SNED1: variants seen among roughly 807,000 people sequenced by gnomAD.
SNED1 encodes sushi, nidogen and EGF like domains 1, also known as sushi, nidogen and EGF-like domain-containing protein 1.
In SNED1, 81 loss-of-function variants were observed where a neutral mutation model predicts 166.7. The observed-to-expected ratio is 0.49, with a 90% CI of 0.41 to 0.58. The LOEUF is 0.58. Among genes scored for constraint, SNED1 ranks in the 20% least tolerant of loss-of-function variants. The probability of loss-of-function intolerance (pLI) is 0.00; values close to 1 mark genes in which losing one functional copy is unlikely to be tolerated. For missense variants in SNED1, 1,604 were observed against 2,000.2 expected, an observed-to-expected ratio of 0.80 and a Z score of 3.78; for synonymous variants, 762 against 822.0, an observed-to-expected ratio of 0.93 and a Z score of 1.25.
At chr2:241,002,233 C>T (rs1013945261) in intron 1 of SNED1, among the ~76,000 whole-genome samples, 7 of 152,214 alleles carry the variant, frequency 4.6e-5, no homozygotes, top group African/African-American at 1.7e-4. Flanking sequence ...TCCAAGCCAT[C>T]TGGAAAATCC....
At chr2:241,065,256 G>T (rs746428638) in intron 20 of SNED1, 43 bp from the exon 21 acceptor site, 2 of 1,605,698 alleles carry the variant, frequency 1.2e-6, no homozygotes, top group Non-Finnish European at 1.7e-6. Context: ...CATAGCTAAC[G>T]GCTGACCAGT....
chr2:241,024,235 C>CTTTTTTTTTTTT lies in SNED1; in HGVS notation c.214-6031_214-6020dup, dbSNP rs10664618. Among the ~76,000 whole-genome samples, 3 of 46,942 alleles carry CTTTTTTTTTTTT rather than the reference C, an allele frequency of 6.4e-5. 1 individual carries two copies. Among genetic ancestry groups the CTTTTTTTTTTTT allele is most frequent in the Admixed American group, 6.9e-4 (2 of 2,894 alleles). The allele number at this position is 46,942 out of a possible 152,430, so 30.8% of individuals were successfully genotyped here. ...GTGTAGTTGTATTTCACTCTACTAC[C>CTTTTTTTTTTTT]TTTTTTTTTTTTTTTTTTTTTTTTT... On this transcript the variant is annotated intron_variant, in intron 1 of 31. Transcript: ENST00000310397.
chr2:241,023,876 T>TTTC (rs1337602982), intron 1 of SNED1, among the ~76,000 whole-genome samples: 1 of 129,140 alleles, frequency 7.7e-6, no homozygotes, highest in African/African-American at 3.2e-5. Context: ...TCTCTTTTTT[T>TTTC]CTTTTTTTTT....
intron 17 of SNED1, chr2:241,063,350 GTGGCCTGGAGGAAGGCA>G: frequency 1.8e-6 from 1 of 559,334 alleles, no homozygotes; most frequent in Middle Eastern, 2.9e-4. Flanking sequence ...CCATTGCGGA[GTGGCCTGGAGGAAGGCA>G]TGGCCTGGAG....
In SNED1 at chr2:241,087,703, G is replaced by C. The variant is rs923868725; in HGVS notation, c.4205+228G>C. 3 of 1,363,034 alleles carry C rather than the reference G, an allele frequency of 2.2e-6. No individual in the cohort carries two copies. In the African/African-American group the frequency reaches 4.4e-5, roughly 20 times the overall value. The allele number at this position is 1,363,034 out of a possible 1,614,324, so 84.4% of individuals were successfully genotyped here. On this transcript the variant is annotated intron_variant, in intron 30 of 31. Coordinates refer to ENST00000310397, the MANE Select transcript of SNED1 (RefSeq NM_001080437.3). ...CAGCCGGGCATGCTGGGTGCTGGGGGGGGTCACTCTGGTTATGCATATTCA... is the reference window on the plus strand; with the variant it reads ...CAGCCGGGCATGCTGGGTGCTGGGGCGGGTCACTCTGGTTATGCATATTCA...
At chr2:241,036,640 C>A in intron 4 of SNED1, 150 bp from the exon 5 acceptor site, 1 of 1,031,096 alleles carries the variant, frequency 9.7e-7, no homozygotes, top group Non-Finnish European at 1.4e-6. Context: ...TAAAGTGAAA[C>A]CTGAAACCTG....
At chr2:241,063,533 G>T in intron 17 of SNED1, 54 bp from the exon 18 acceptor site, 2 of 1,199,654 alleles carry the variant, frequency 1.7e-6, no homozygotes, top group Non-Finnish European at 2.4e-6. Flanking sequence ...CTGGGGGCAT[G>T]TGGGCGCCTC....
rs1361591383 is a variant in SNED1, at chr2:241,034,871, C to T, written c.805+141C>T. ...GGTGTCCAGCCCAGCCCACCTCAGGCGTGTGAAACTAAGGAAAGCCTGGCT... is the reference window on the plus strand; with the variant it reads ...GGTGTCCAGCCCAGCCCACCTCAGGTGTGTGAAACTAAGGAAAGCCTGGCT... On this transcript the variant is annotated intron_variant, in intron 4 of 31. Transcript: ENST00000310397. 6 of 936,720 alleles carry T rather than the reference C, an allele frequency of 6.4e-6. No homozygotes were observed. In the South Asian group the frequency reaches 1.1e-4, roughly 17 times the overall value. The allele number at this position is 936,720 out of a possible 1,614,324, so 58.0% of individuals were successfully genotyped here.
intron 24 of SNED1, among the ~76,000 whole-genome samples, chr2:241,070,765 G>T (rs2062670488): frequency 6.6e-6 from 1 of 152,216 alleles, no homozygotes; most frequent in South Asian, 2.1e-4. Flanking sequence ...CCCCACTTAG[G>T]TCTTCCAAGT....
At chr2:241,084,281 C>T (rs952512115) in intron 29 of SNED1, among the ~76,000 whole-genome samples, 5 of 151,934 alleles carry the variant, frequency 3.3e-5, no homozygotes, top group Non-Finnish European at 5.9e-5. Context: ...GGATTACAGG[C>T]GCCTGCCACC....
At chr2:241,055,254 A>T (rs919741670) in intron 16 of SNED1, among the ~76,000 whole-genome samples, 2 of 152,262 alleles carry the variant, frequency 1.3e-5, no homozygotes, top group African/African-American at 4.8e-5. Flanking sequence ...AGAGTTCCAG[A>T]TGAACAGCAG....
chr2:241,071,073 G>C (rs932643966), intron 24 of SNED1, among the ~76,000 whole-genome samples: 3 of 152,232 alleles, frequency 2.0e-5, no homozygotes, highest in African/African-American at 7.2e-5. Flanking sequence ...GTCAGAGTGA[G>C]AGGGAGAGGG....
Position 241,020,828 on chromosome 2 carries a change from T to G in SNED1, c.214-9456T>G, listed in dbSNP as rs1361233184. Among the ~76,000 whole-genome samples the G allele has an allele frequency of 2.0e-5, 3 of 152,152 alleles. No individual in the cohort carries two copies. In the East Asian group the frequency reaches 5.8e-4, roughly 29 times the overall value. Reference sequence around the variant, plus strand: ...CCCTTCTCTTGGACTCCACACTGTTTCTGCAGAAGGGACAAAGAAGCAGGA... The same window carrying G: ...CCCTTCTCTTGGACTCCACACTGTTGCTGCAGAAGGGACAAAGAAGCAGGA... On this transcript the variant is annotated intron_variant, in intron 1 of 31. Coordinates refer to ENST00000310397, the MANE Select transcript of SNED1 (RefSeq NM_001080437.3).
At chr2:241,079,503 C>A (rs1185954045) in intron 27 of SNED1, among the ~76,000 whole-genome samples, 1 of 151,604 alleles carries the variant, frequency 6.6e-6, no homozygotes, top group Non-Finnish European at 1.5e-5. Context: ...CAAATTTTGT[C>A]CTCATTTTAA....
chr2:241,040,667 A>C (rs2061498473), intron 8 of SNED1, among the ~76,000 whole-genome samples: 1 of 151,902 alleles, frequency 6.6e-6, no homozygotes, highest in Non-Finnish European at 1.5e-5. Context: ...AGGCTGAGCA[A>C]CCCCTTCCCC....
chr2:241,002,113 C>G (rs910079455), intron 1 of SNED1, among the ~76,000 whole-genome samples: 1 of 152,144 alleles, frequency 6.6e-6, no homozygotes, highest in African/African-American at 2.4e-5. Flanking sequence ...TGACCTTTGC[C>G]TGGTCATTTC....
rs753674360 is a variant in SNED1 at position 241,053,311 on chromosome 2, C to A, written c.2242C>A (p.Pro748Thr). Residue 748 changes from proline (P) to threonine (T), a missense_variant, in exon 16 of 32, where the codon CCT becomes ACT. By Grantham distance (38) the Pro-to-Thr change is conservative. This residue lies in a region of SNED1 where 1,237 missense variants were observed against 1,620.8 expected (regional missense o/e 0.76). Coordinates refer to ENST00000310397, the MANE Select transcript of SNED1 (RefSeq NM_001080437.3). ...VCQPHGVWSE[P>T]PQCLEIDECR... The stretch of plus-strand genomic sequence containing the variant: ...CCAGCCACACGGTGTCTGGAGTGAG[C>A]CTCCCCAGTGCCTTGGTGATTCTGT... 2 of 1,583,942 alleles carry A rather than the reference C, an allele frequency of 1.3e-6. No homozygotes were observed. Among genetic ancestry groups the A allele is most frequent in the South Asian group, 2.3e-5 (2 of 88,000 alleles).
Position 241,052,186 on chromosome 2 carries a change from C to T in SNED1, c.1969+29C>T, listed in dbSNP as rs373326303. 3.6e-4 allele frequency: 568 copies of T among 1,581,802 alleles called. 6 individuals are homozygous for T. Among genetic ancestry groups the T allele is most frequent in the East Asian group, 1.3e-3 (60 of 44,692 alleles). Reference sequence around the variant, plus strand: ...AGGTGGGTGGGAGGCCAGGCCAGGGCGGCCAGGGGTGAACCCTCTCTGCAG... The same window carrying T: ...AGGTGGGTGGGAGGCCAGGCCAGGGTGGCCAGGGGTGAACCCTCTCTGCAG... On this transcript the variant is annotated intron_variant, in intron 14 of 31. Transcript: ENST00000310397.
chr2:241,073,103 A>G lies in SNED1; in HGVS notation c.3818-163A>G. On this transcript the variant is annotated intron_variant, in intron 26 of 31. Coordinates refer to ENST00000310397, the MANE Select transcript of SNED1 (RefSeq NM_001080437.3). The surrounding 1 kb of genome is among the most constrained non-coding windows in gnomAD (Gnocchi z 6.6). ...GAGGGTGAGGCCAGCCCTTCAGGGG[A>G]GGCAGCTCTGGGGCCGACAGGTGCT... 3.4e-6 allele frequency: 2 copies of G among 593,354 alleles called. No individual in the cohort carries two copies. The highest frequency in any genetic ancestry group is 6.0e-6 in the Non-Finnish European group (2 of 333,352). 36.8% of individuals were successfully genotyped at this position (593,354 alleles called of 1,614,324 possible). A position where few individuals can be genotyped will look rare whatever the true frequency, so the allele number is the denominator to read the frequency against.
Sources: allele counts gnomAD v4.1 joint callset (sites outside exome capture counted in the v4.1 genomes callset), GRCh38; gene constraint gnomAD v4.1.1; regional missense constraint gnomAD v4.1.1; non-coding constraint Gnocchi (gnomAD v3.1); transcripts MANE v1.5; gene names NCBI Gene and HGNC (gene_info 2026-07-23, HGNC 2026-07-21).